PHEX: variants seen among roughly 807,000 people sequenced by gnomAD.
The protein encoded by PHEX is phosphate regulating endopeptidase X-linked.
PHEX carries 16 observed loss-of-function variants against 68.0 expected under a neutral mutation model. That is an observed-to-expected ratio of 0.24 (90% CI 0.16 to 0.36). The LOEUF is 0.36. PHEX is among the 10% of genes least tolerant of loss of function. PHEX has a pLI of 1.00. For missense variants in PHEX, 480 were observed against 575.5 expected (o/e 0.83, Z 1.70); for synonymous variants, 208 against 205.1 (o/e 1.01, Z -0.12).
intron 9 of PHEX, among the ~76,000 whole-genome samples, chrX:22,111,123 C>T (rs779961765): frequency 1.1e-3 from 126 of 112,061 alleles, no homozygotes; most frequent in African/African-American, 3.6e-3. Flanking sequence ...TGATGTTATT[C>T]GAGGATCTGC....
At chrX:22,131,037 G>T (rs1372613262) in intron 11 of PHEX, among the ~76,000 whole-genome samples, 2 of 110,344 alleles carry the variant, frequency 1.8e-5, no homozygotes, top group East Asian at 5.6e-4. Context: ...TTTTTTGTCA[G>T]TATTATTTTT....
intron 6 of PHEX, among the ~76,000 whole-genome samples, chrX:22,091,587 A>G (rs1929885576): frequency 8.9e-6 from 1 of 111,741 alleles, no homozygotes; most frequent in Non-Finnish European, 1.9e-5. Flanking sequence ...CACTGCTCCT[A>G]GCATGCCTTC....
chrX:22,216,728 C>T (rs1417895894), intron 16 of PHEX, among the ~76,000 whole-genome samples: 1 of 109,679 alleles, frequency 9.1e-6, no homozygotes, highest in Non-Finnish European at 1.9e-5. Context: ...CCATGTTGGT[C>T]AGGCTGGTCT....
chrX:22,211,865 A>G (rs1045743744), intron 15 of PHEX, among the ~76,000 whole-genome samples: 1 of 111,948 alleles, frequency 8.9e-6, no homozygotes, highest in Non-Finnish European at 1.9e-5. Flanking sequence ...GAGAGCTTGT[A>G]CAGGGGAACT....
At chrX:22,070,490 G>C (rs758225148) in intron 3 of PHEX, among the ~76,000 whole-genome samples, 1 of 111,340 alleles carries the variant, frequency 9.0e-6, no homozygotes, top group African/African-American at 3.3e-5. Flanking sequence ...GACCAGCCTG[G>C]GCAATATAGC....
intron 9 of PHEX, among the ~76,000 whole-genome samples, chrX:22,102,015 C>T (rs1930451846): frequency 9.0e-6 from 1 of 111,696 alleles, no homozygotes; most frequent in South Asian, 3.8e-4. Flanking sequence ...GCATAATAAT[C>T]ACATCAAGGT....
intron 9 of PHEX, among the ~76,000 whole-genome samples, chrX:22,109,903 T>C (rs1247509382): frequency 8.9e-6 from 1 of 112,238 alleles, no homozygotes; most frequent in Non-Finnish European, 1.9e-5. Flanking sequence ...AAATTGACTA[T>C]TTGTCAAGCA....
intron 11 of PHEX, among the ~76,000 whole-genome samples, chrX:22,128,865 C>T (rs1435684320): frequency 9.7e-6 from 1 of 103,202 alleles, no homozygotes; most frequent in Middle Eastern, 4.4e-3. Context: ...CCCCCAACCC[C>T]CGCCCAGTGG....
intron 5 of PHEX, among the ~76,000 whole-genome samples, chrX:22,079,552 A>G (rs189377776): frequency 9.0e-6 from 1 of 111,623 alleles, no homozygotes; most frequent in Admixed American, 9.5e-5. Context: ...ATTAACATCT[A>G]ATAACTAGTT....
At position 22,097,261 on chromosome X, in the gene PHEX, A is replaced by G. The variant is rs748405738; in HGVS notation, c.933+223A>G. On this transcript the variant is annotated intron_variant, in intron 8 of 21. Coordinates refer to ENST00000379374, the MANE Select transcript of PHEX (RefSeq NM_000444.6). ...ACAGTGGCTTAGAAACTTAAAGCCT[A>G]TATTCTCACATGACAAAAGTCTAGA... Among the ~76,000 whole-genome samples, 5 of 112,643 alleles carry G rather than the reference A, an allele frequency of 4.4e-5. No individual in the cohort carries two copies. The Admixed American group carries it at 4.7e-4, about 11-fold the overall frequency.
chrX:22,199,130 C>T (rs111824769), intron 15 of PHEX, among the ~76,000 whole-genome samples: 16,171 of 110,664 alleles, frequency 0.15, 942 homozygotes, highest in Middle Eastern at 0.22. Flanking sequence ...TCAAGATGAG[C>T]TTTGGGTGGG....
rs776261337 is a variant in PHEX at position 22,099,786 on chromosome X, A to G, written c.1079+635A>G. On this transcript the variant is annotated intron_variant, in intron 9 of 21. Coordinates refer to ENST00000379374, the MANE Select transcript of PHEX (RefSeq NM_000444.6). ...ATTCAGCTTTGACTACAGAAAATGA[A>G]TCACAGAGCTTACAAAATGAATCAA... Among the ~76,000 whole-genome samples, 4 of 112,687 alleles carry G rather than the reference A, an allele frequency of 3.5e-5. No homozygotes were observed. In the South Asian group the frequency reaches 1.5e-3, roughly 42 times the overall value.
At chrX:22,113,856 T>C (rs758770657) in intron 10 of PHEX, among the ~76,000 whole-genome samples, 5 of 110,702 alleles carry the variant, frequency 4.5e-5, no homozygotes, top group Non-Finnish European at 7.6e-5. Flanking sequence ...GATACCATTG[T>C]CCAGATTCTT....
intron 15 of PHEX, among the ~76,000 whole-genome samples, chrX:22,191,613 A>G (rs1241287289): frequency 8.9e-6 from 1 of 112,013 alleles, no homozygotes; most frequent in Non-Finnish European, 1.9e-5. Context: ...CCCAGGCCCC[A>G]CCTTAGGTCT....
intron 15 of PHEX, 126 bp from the exon 16 acceptor site, chrX:22,212,778 G>A: frequency 1.8e-6 from 1 of 564,456 alleles, no homozygotes; most frequent in Non-Finnish European, 3.2e-6. Context: ...ATCTCTTAGA[G>A]GGCTCCCAGT....
intron 2 of PHEX, among the ~76,000 whole-genome samples, chrX:22,045,397 G>T (rs767306038): frequency 4.5e-5 from 5 of 110,466 alleles, no homozygotes; most frequent in African/African-American, 1.7e-4. Flanking sequence ...AATATTGTCT[G>T]GTTTTTTAAA....
intron 12 of PHEX, among the ~76,000 whole-genome samples, chrX:22,143,717 A>T (rs1026679932): frequency 2.7e-5 from 3 of 112,357 alleles, no homozygotes; most frequent in African/African-American, 9.7e-5. Flanking sequence ...TTCGAGACTC[A>T]TCCACTTTGT....
chrX:22,222,160 T>C (rs1935289740), intron 18 of PHEX, among the ~76,000 whole-genome samples: 2 of 111,899 alleles, frequency 1.8e-5, no homozygotes, highest in Non-Finnish European at 3.8e-5. Context: ...CCAGAGTCTG[T>C]ATCCTTGAAT....
chrX:22,223,574 G>A (rs1935339226), intron 18 of PHEX, among the ~76,000 whole-genome samples: 1 of 111,830 alleles, frequency 8.9e-6, no homozygotes, highest in African/African-American at 3.3e-5. Context: ...CGGAGACCCT[G>A]TCTCTACAGA....
Sources: allele counts gnomAD v4.1 joint callset (sites outside exome capture counted in the v4.1 genomes callset), GRCh38; gene constraint gnomAD v4.1.1; transcripts MANE v1.5; gene names NCBI Gene and HGNC (gene_info 2026-07-23, HGNC 2026-07-21).